GLB1L3: variants seen among roughly 807,000 people sequenced by gnomAD.
The protein encoded by GLB1L3 is galactosidase beta 1 like 3.
Under a neutral mutation model 89.5 loss-of-function variants are expected in GLB1L3, and 89 were observed. That is an observed-to-expected ratio of 0.99 (90% confidence interval 0.84 to 1.19). The LOEUF (loss-of-function observed/expected upper bound fraction) is 1.19. GLB1L3 is among the 50% of genes most tolerant of loss of function. GLB1L3 has a pLI of 0.00. For synonymous variants in GLB1L3, 314 were observed against 312.3 expected (o/e 1.01, Z -0.06); for missense variants, 812 against 813.3 (o/e 1.00, Z 0.02).
chr11:134,289,494 A>C (rs1223769910), intron 7 of GLB1L3, among the ~76,000 whole-genome samples: 2 of 152,188 alleles, frequency 1.3e-5, no homozygotes, highest in Non-Finnish European at 1.5e-5. Context: ...CTGTAGATCA[A>C]GTTCATTTTC....
At chr11:134,301,811 A>G (rs758929506) in intron 9 of GLB1L3, among the ~76,000 whole-genome samples, 1 of 152,136 alleles carries the variant, frequency 6.6e-6, no homozygotes, top group Non-Finnish European at 1.5e-5. Context: ...GACTAGTGTG[A>G]GTATTCAATA....
intron 10 of GLB1L3, 140 bp from the exon 11 acceptor site, chr11:134,309,486 C>T: frequency 2.2e-6 from 1 of 450,106 alleles, no homozygotes; most frequent in Non-Finnish European, 3.8e-6. Context: ...GTCTCCATTC[C>T]CAAGAATGTA....
chr11:134,322,743 A>G (rs937437848), downstream of GLB1L3, among the ~76,000 whole-genome samples: 12 of 152,200 alleles, frequency 7.9e-5, no homozygotes, highest in Non-Finnish European at 1.6e-4. Flanking sequence ...TAGCATGTAT[A>G]TTCTATCCTT....
chr11:134,290,627 A>G (rs1050831524), intron 7 of GLB1L3, among the ~76,000 whole-genome samples: 2 of 148,386 alleles, frequency 1.3e-5, no homozygotes, highest in East Asian at 2.0e-4. Context: ...AAACCATTCA[A>G]CTCCACTCCC....
At chr11:134,292,904 C>T in intron 8 of GLB1L3, 1 of 576,522 alleles carries the variant, frequency 1.7e-6, no homozygotes, top group South Asian at 2.0e-5. Context: ...CTTGGCCTGG[C>T]TCACTTCTCT....
intron 9 of GLB1L3, among the ~76,000 whole-genome samples, chr11:134,298,415 A>C (rs1448750806): frequency 1.3e-5 from 2 of 152,194 alleles, no homozygotes; most frequent in Non-Finnish European, 2.9e-5. Flanking sequence ...AAAAATTCTC[A>C]ACAAAGGATG....
intron 6 of GLB1L3, among the ~76,000 whole-genome samples, chr11:134,285,376 A>C (rs1940924068): frequency 6.6e-6 from 1 of 152,194 alleles, no homozygotes; most frequent in African/African-American, 2.4e-5. Context: ...TTGTTTGATC[A>C]TTGTAATTTT....
intron 10 of GLB1L3, among the ~76,000 whole-genome samples, chr11:134,308,371 C>T (rs796674281): frequency 1.6e-4 from 11 of 68,476 alleles, no homozygotes; most frequent in Admixed American, 6.8e-4. Flanking sequence ...ACCACCACCA[C>T]CACCACCATC....
intron 6 of GLB1L3, among the ~76,000 whole-genome samples, chr11:134,285,639 C>T (rs1453663659): frequency 1.3e-5 from 2 of 151,872 alleles, no homozygotes; most frequent in African/African-American, 4.8e-5. Flanking sequence ...TACAAAAATT[C>T]GAGAGCGTGG....
In GLB1L3 at chr11:134,308,212, C is replaced by T. The variant is rs1371483635; in HGVS notation, c.961+1004C>T. Among the ~76,000 whole-genome samples, 9 of 26,812 alleles carry T rather than the reference C, an allele frequency of 3.4e-4. No individual in the cohort carries two copies. The East Asian group carries it at 4.8e-3, about 14-fold the overall frequency. 17.6% of individuals were successfully genotyped at this position (26,812 alleles called of 152,430 possible). ...TCATCACCATCACCACTACCACCAC[C>T]ACCATCACCATCACCACCACCACCA... On this transcript the variant is annotated intron_variant, in intron 10 of 19. Coordinates refer to ENST00000431683, the MANE Select transcript of GLB1L3 (RefSeq NM_001080407.3).
intron 9 of GLB1L3, among the ~76,000 whole-genome samples, chr11:134,301,018 A>G (rs540621726): frequency 6.6e-6 from 1 of 152,298 alleles, no homozygotes; most frequent in South Asian, 2.1e-4. Context: ...AGCCAGCATC[A>G]GGGTGTCAGC....
At position 134,304,345 on chromosome 11, in the gene GLB1L3, G is replaced by A. The variant is rs185537086; in HGVS notation, c.877-2779G>A. Among the ~76,000 whole-genome samples, 414 of 152,246 alleles carry A rather than the reference G, an allele frequency of 2.7e-3. 4 individuals are homozygous for A. Among genetic ancestry groups the A allele is most frequent in the African/African-American group, 9.1e-3 (378 of 41,536 alleles). ...GTAAAAATCCTCAATGAGTGGGTTC[G>A]TCCAAATAACATAGATCATGATTGT... On this transcript the variant is annotated intron_variant, in intron 9 of 19. Transcript: ENST00000431683.
intron 9 of GLB1L3, among the ~76,000 whole-genome samples, chr11:134,294,543 A>G (rs112617002): frequency 0.011 from 1,675 of 152,310 alleles, 21 homozygotes; most frequent in African/African-American, 0.038. Context: ...TTTGTACACC[A>G]TTAAATTCAC....
chr11:134,299,747 A>G (rs766894203), intron 9 of GLB1L3, among the ~76,000 whole-genome samples: 16 of 151,912 alleles, frequency 1.1e-4, no homozygotes, highest in Non-Finnish European at 1.9e-4. Flanking sequence ...TGATGTTCTG[A>G]TTATGCCTTA....
intron 1 of GLB1L3, 73 bp downstream of exon 1, chr11:134,276,836 G>A: frequency 7.9e-7 from 1 of 1,262,664 alleles, no homozygotes; most frequent in Non-Finnish European, 1.0e-6. Flanking sequence ...ACCCTCCCCG[G>A]GTTCTGTGGC....
chr11:134,279,302 T>G (rs1183722755), intron 3 of GLB1L3, among the ~76,000 whole-genome samples: 2 of 152,088 alleles, frequency 1.3e-5, no homozygotes, highest in Non-Finnish European at 2.9e-5. Context: ...TATTTCTTCT[T>G]GAATACATCC....
rs188953591 is a variant in GLB1L3, at chr11:134,300,843, T to C, written c.877-6281T>C. On this transcript the variant is annotated intron_variant, in intron 9 of 19. Transcript: ENST00000431683. ...ACTAACAGCCTCACTTTTACCTAAT[T>C]ACCTCTTTAAAGGCTCTGTCTCCAA... Among the ~76,000 whole-genome samples, 44 of 152,306 alleles carry C rather than the reference T, an allele frequency of 2.9e-4. 1 individual carries two copies. The highest frequency in any genetic ancestry group is 1.0e-3 in the African/African-American group (43 of 41,568).
At chr11:134,309,917 A>T in intron 11 of GLB1L3, 154 bp downstream of exon 11, 1 of 794,546 alleles carries the variant, frequency 1.3e-6, no homozygotes, top group African/African-American at 1.7e-5. Context: ...TTCCTTCTGT[A>T]TGTTCATAAT....
chr11:134,320,303 A>G (rs573358966), downstream of GLB1L3, among the ~76,000 whole-genome samples: 13 of 152,300 alleles, frequency 8.5e-5, no homozygotes, highest in Non-Finnish European at 1.2e-4. Context: ...CTGAATGACT[A>G]TTTCAATGGA....
Sources: allele counts gnomAD v4.1 joint callset (sites outside exome capture counted in the v4.1 genomes callset), GRCh38; gene constraint gnomAD v4.1.1; transcripts MANE v1.5; gene names NCBI Gene and HGNC (gene_info 2026-07-23, HGNC 2026-07-21).